The following LPP variants were observed in gnomAD, a reference collection of about 807,000 sequenced individuals.
LPP encodes the protein lipoma-preferred partner.
LPP carries 38 observed loss-of-function variants against 60.4 expected under a neutral mutation model. The observed-to-expected ratio is 0.63, with a 90% confidence interval of 0.49 to 0.83. LPP has a LOEUF of 0.83. Among genes scored for constraint, LPP ranks in the 40% least tolerant of loss-of-function variants. LPP has a pLI of 0.00. For synonymous variants in LPP, 328 were observed against 290.8 expected (o/e 1.13, Z -1.30); for missense variants, 902 against 783.6 (o/e 1.15, Z -1.80).
intron 2 of LPP, among the ~76,000 whole-genome samples, chr3:188,305,844 G>A (rs370233579): frequency 2.6e-5 from 4 of 152,030 alleles, no homozygotes; most frequent in African/African-American, 9.7e-5. Context: ...GTAAATTAAC[G>A]GTGTTCTTTT....
chr3:188,579,424 G>A (rs1283196261), intron 6 of LPP, among the ~76,000 whole-genome samples: 3 of 152,160 alleles, frequency 2.0e-5, no homozygotes, highest in African/African-American at 7.2e-5. Context: ...TGAACAATAA[G>A]GGTGTCATAT....
At chr3:188,786,950 T>C (rs1035288872) in intron 9 of LPP, among the ~76,000 whole-genome samples, 4 of 152,160 alleles carry the variant, frequency 2.6e-5, no homozygotes, top group African/African-American at 9.7e-5. Flanking sequence ...GGATTAGGAA[T>C]TGGGGGTTTG....
At chr3:188,611,277 A>C (rs1843667551) in intron 7 of LPP, among the ~76,000 whole-genome samples, 1 of 152,184 alleles carries the variant, frequency 6.6e-6, no homozygotes, top group Admixed American at 6.5e-5. Context: ...AATGATTTTA[A>C]ACATGACTCA....
At chr3:188,748,316 T>C (rs1726949054) in intron 8 of LPP, among the ~76,000 whole-genome samples, 1 of 152,116 alleles carries the variant, frequency 6.6e-6, no homozygotes, top group Non-Finnish European at 1.5e-5. Flanking sequence ...CTGTCAGTAA[T>C]ACTTTGAGGT....
rs1474259438 is a variant in LPP, at chr3:188,882,944, G to C, written c.*8465G>C. On this transcript the variant is annotated 3_prime_UTR_variant, in exon 12 of 12. Transcript: ENST00000617246. ...TTTAGTAGAGACGGGGTTTCACCGT[G>C]GTCTCGATCTCCTGACCTCGTGATC... 2 of 184,220 alleles carry C rather than the reference G, an allele frequency of 1.1e-5. No homozygotes were observed. The highest frequency in any genetic ancestry group is 4.7e-5 in the African/African-American group (2 of 42,424). 11.4% of individuals were successfully genotyped at this position (184,220 alleles called of 1,614,324 possible). A position where few individuals can be genotyped will look rare whatever the true frequency, so the allele number is the denominator to read the frequency against.
At chr3:188,414,101 A>T (rs934116654) in intron 4 of LPP, among the ~76,000 whole-genome samples, 1 of 152,132 alleles carries the variant, frequency 6.6e-6, no homozygotes, top group African/African-American at 2.4e-5. Context: ...CCCTCTTGGG[A>T]TGTATTTTCT....
At chr3:188,669,990 AACTATC>A (rs1856638228) in intron 7 of LPP, among the ~76,000 whole-genome samples, 1 of 152,202 alleles carries the variant, frequency 6.6e-6, no homozygotes. Context: ...ATTCTGAGCA[AACTATC>A]ACTAGGACAG....
rs1766045389 is a variant in LPP, at chr3:188,352,158, G to A, written c.-10+10439G>A. Among the ~76,000 whole-genome samples, 1 of 152,188 alleles carries A rather than the reference G, an allele frequency of 6.6e-6. No homozygotes were observed. The highest frequency in any genetic ancestry group is 1.5e-5 in the Non-Finnish European group (1 of 68,038). ...AGGCTCTGTGATGGCAGAGTCTTCT[G>A]TATTGGACTGTGAAGATTCTGGCAG... On this transcript the variant is annotated intron_variant, in intron 3 of 11. Coordinates refer to ENST00000617246, the MANE Select transcript of LPP (RefSeq NM_001375462.1). This position sits in a 1 kb window ranked among gnomAD's most constrained non-coding sequence, Gnocchi z 4.4.
intron 7 of LPP, among the ~76,000 whole-genome samples, chr3:188,645,356 A>T (rs1243140376): frequency 1.3e-5 from 2 of 152,110 alleles, no homozygotes; most frequent in African/African-American, 4.8e-5. Flanking sequence ...GTTGAAGACA[A>T]TACTCACAAA....
At position 188,610,350 on chromosome 3, in the gene LPP, T is replaced by TC. The variant is rs35141072; in HGVS notation, c.1113+509dup. Among the ~76,000 whole-genome samples the TC allele has an allele frequency of 2.6e-5, 4 of 152,120 alleles. No homozygotes were observed. The highest frequency in any genetic ancestry group is 2.6e-4 in the Admixed American group (4 of 15,272). On this transcript the variant is annotated intron_variant, in intron 7 of 11. Transcript: ENST00000617246. This position sits in a 1 kb window ranked among gnomAD's most constrained non-coding sequence, Gnocchi z 4.4. The stretch of plus-strand genomic sequence containing the variant: ...GTGGCCCTGTGAAGGCGATTATAAC[T>TC]CCCGCAATGTTGGTACCACAGCGGT...
At chr3:188,576,804 CAGTGAGCAGATTT>C (rs1437702597) in intron 6 of LPP, among the ~76,000 whole-genome samples, 1 of 152,176 alleles carries the variant, frequency 6.6e-6, no homozygotes, top group Non-Finnish European at 1.5e-5. Context: ...TCTCCATCAC[CAGTGAGCAGATTT>C]CCAGAAGTCA....
intron 6 of LPP, among the ~76,000 whole-genome samples, chr3:188,550,519 G>A (rs1050288343): frequency 4.1e-5 from 6 of 145,804 alleles, no homozygotes; most frequent in East Asian, 2.0e-4. Flanking sequence ...CGGAGGTTGC[G>A]GTGAGCCGAG....
At chr3:188,494,105 A>G (rs774253205) in intron 5 of LPP, among the ~76,000 whole-genome samples, 22 of 152,162 alleles carry the variant, frequency 1.4e-4, no homozygotes, top group Non-Finnish European at 2.8e-4. Context: ...GCCATAGGGT[A>G]TATACGTTCA....
At chr3:188,267,899 TC>T (rs1448509143) in intron 2 of LPP, among the ~76,000 whole-genome samples, 1 of 152,184 alleles carries the variant, frequency 6.6e-6, no homozygotes, top group African/African-American at 2.4e-5. Context: ...GGCCAGCACT[TC>T]GTTCTTACAC....
chr3:188,309,314 C>T (rs1029901590), intron 2 of LPP, among the ~76,000 whole-genome samples: 2 of 152,118 alleles, frequency 1.3e-5, no homozygotes, highest in African/African-American at 4.8e-5. Context: ...AGCCACCGCA[C>T]CTGTCCGGAG....
At chr3:188,557,613 C>T (rs966584445) in intron 6 of LPP, among the ~76,000 whole-genome samples, 3 of 152,104 alleles carry the variant, frequency 2.0e-5, no homozygotes, top group Non-Finnish European at 2.9e-5. Context: ...TTATACTTCT[C>T]ACCTAGCCTC....
rs1007411833 is a variant in LPP at position 188,413,399 on chromosome 3, G to T, written c.193+7086G>T. 4.6e-5 allele frequency among the ~76,000 whole-genome samples: 7 copies of T among 152,222 alleles called. No homozygotes were observed. In the South Asian group the frequency reaches 1.5e-3, roughly 32 times the overall value. Reference sequence around the variant, plus strand: ...GACAGTCCTGTTAATTGCAATTAGAGACTGCAGTTGTAACATCTTGGACGT... The same window carrying T: ...GACAGTCCTGTTAATTGCAATTAGATACTGCAGTTGTAACATCTTGGACGT... On this transcript the variant is annotated intron_variant, in intron 4 of 11. Coordinates refer to ENST00000617246, the MANE Select transcript of LPP (RefSeq NM_001375462.1).
At chr3:188,434,842 C>T (rs1439150426) in intron 4 of LPP, among the ~76,000 whole-genome samples, 1 of 152,100 alleles carries the variant, frequency 6.6e-6, no homozygotes, top group East Asian at 1.9e-4. Context: ...GAATTTATAG[C>T]TGGATGGGGC....
chr3:188,880,931 C>T lies in LPP; in HGVS notation c.*6452C>T, dbSNP rs1301746149. 1 of 164,846 alleles carries T rather than the reference C, an allele frequency of 6.1e-6. No individual in the cohort carries two copies. Among genetic ancestry groups the T allele is most frequent in the Non-Finnish European group, 1.3e-5 (1 of 76,274 alleles). The allele number at this position is 164,846 out of a possible 1,614,324, so 10.2% of individuals were successfully genotyped here. On this transcript the variant is annotated 3_prime_UTR_variant, in exon 12 of 12. Coordinates refer to ENST00000617246, the MANE Select transcript of LPP (RefSeq NM_001375462.1). ...CGATCACGAGGTCAGGAGATCGAGA[C>T]CATCCTGGCTAACACGGTGAAACCC...
Sources: allele counts gnomAD v4.1 joint callset (sites outside exome capture counted in the v4.1 genomes callset), GRCh38; gene constraint gnomAD v4.1.1; non-coding constraint Gnocchi (gnomAD v3.1); transcripts MANE v1.5; gene names NCBI Gene and HGNC (gene_info 2026-07-23, HGNC 2026-07-21).